ADGRL3: variants seen among roughly 807,000 people sequenced by gnomAD.
The protein encoded by ADGRL3 is adhesion G protein-coupled receptor L3.
A neutral mutation model predicts 153.5 loss-of-function variants in ADGRL3; 62 were observed. The observed-to-expected ratio is 0.40, with a 90% CI of 0.33 to 0.50. The LOEUF (loss-of-function observed/expected upper bound fraction) is 0.50, where lower values mean the gene tolerates loss of function less well. ADGRL3 is among the 20% of genes least tolerant of loss of function. The probability of loss-of-function intolerance (pLI) is 0.47; values close to 1 mark genes in which losing one functional copy is unlikely to be tolerated. For missense variants in ADGRL3, 1,641 were observed against 1,859.4 expected, an observed-to-expected ratio of 0.88 and a Z score of 2.16; for synonymous variants, 710 against 672.5, an observed-to-expected ratio of 1.06 and a Z score of -0.86.
intron 4 of ADGRL3, among the ~76,000 whole-genome samples, chr4:61,584,874 G>T (rs2098940055): frequency 6.6e-6 from 1 of 151,692 alleles, no homozygotes; most frequent in South Asian, 2.1e-4. Context: ...TTATGAAAAT[G>T]TCTATATCCA....
At chr4:61,450,888 C>T (rs1042532914) in intron 2 of ADGRL3, among the ~76,000 whole-genome samples, 2 of 151,876 alleles carry the variant, frequency 1.3e-5, no homozygotes, top group African/African-American at 4.8e-5. Flanking sequence ...ATAACTGCTT[C>T]CCAGAGAAGA....
chr4:61,650,505 A>G (rs544231423), intron 5 of ADGRL3, among the ~76,000 whole-genome samples: 10 of 152,242 alleles, frequency 6.6e-5, no homozygotes, highest in African/African-American at 1.7e-4. Flanking sequence ...GTGAAAACTT[A>G]AATAGTAAAT....
At position 61,852,232 on chromosome 4, in the gene ADGRL3, T is replaced by C. The variant is rs189373971; in HGVS notation, c.1480+38343T>C. Among the ~76,000 whole-genome samples the C allele has an allele frequency of 1.3e-3, 195 of 152,212 alleles. 1 individual carries two copies. Among genetic ancestry groups the C allele is most frequent in the African/African-American group, 4.5e-3 (188 of 41,574 alleles). On this transcript the variant is annotated intron_variant, in intron 9 of 26. Coordinates refer to ENST00000683033, the MANE Select transcript of ADGRL3 (RefSeq NM_001387552.1). ...TGTTGCATTTAACTATTTAGTAAAATAAAAAACTGTTTCTGAAGTCCAAAA... is the reference window on the plus strand; with the variant it reads ...TGTTGCATTTAACTATTTAGTAAAACAAAAAACTGTTTCTGAAGTCCAAAA...
chr4:62,064,886 A>G (rs1742162125), intron 25 of ADGRL3, among the ~76,000 whole-genome samples: 1 of 152,090 alleles, frequency 6.6e-6, no homozygotes, highest in African/African-American at 2.4e-5. Context: ...AAAAGTGACT[A>G]CATGAATATA....
intron 17 of ADGRL3, among the ~76,000 whole-genome samples, chr4:61,958,550 G>T (rs1473705852): frequency 1.3e-5 from 2 of 152,094 alleles, no homozygotes; most frequent in Non-Finnish European, 1.5e-5. Context: ...AGTTTCACAT[G>T]CCTGGGGAGG....
intron 1 of ADGRL3, among the ~76,000 whole-genome samples, chr4:61,382,594 T>G (rs578137927): frequency 9.3e-4 from 141 of 151,972 alleles, no homozygotes; most frequent in Non-Finnish European, 1.7e-3. Context: ...CTTTCTATTT[T>G]TTAAATCCAA....
At chr4:61,764,847 G>A (rs1241879966) in intron 8 of ADGRL3, among the ~76,000 whole-genome samples, 2 of 151,634 alleles carry the variant, frequency 1.3e-5, no homozygotes, top group African/African-American at 2.4e-5. Flanking sequence ...GGAACCTAGA[G>A]TGGGAGAGGT....
chr4:61,678,579 C>CCA lies in ADGRL3; in HGVS notation c.583+1647_583+1648dup, dbSNP rs1285369072. Among the ~76,000 whole-genome samples the CCA allele has an allele frequency of 5.3e-5, 8 of 151,882 alleles. 1 individual carries two copies. The highest frequency in any genetic ancestry group is 2.9e-5 in the Non-Finnish European group (2 of 67,950). ...TTTTACATAAAAGGATTATAGTTTA[C>CCA]CACAGGTTTCCTTTCTCTCATAAAT... On this transcript the variant is annotated intron_variant, in intron 6 of 26. Coordinates refer to ENST00000683033, the MANE Select transcript of ADGRL3 (RefSeq NM_001387552.1).
At chr4:61,821,143 C>G (rs896172446) in intron 9 of ADGRL3, among the ~76,000 whole-genome samples, 3 of 141,880 alleles carry the variant, frequency 2.1e-5, no homozygotes, top group Non-Finnish European at 4.5e-5. Context: ...AGAAATTCTT[C>G]ACAGCATCAC....
At chr4:61,591,057 G>A (rs930264362) in intron 5 of ADGRL3, among the ~76,000 whole-genome samples, 6 of 152,058 alleles carry the variant, frequency 3.9e-5, no homozygotes, top group Admixed American at 1.3e-4. Flanking sequence ...GAAAATTAAT[G>A]TCACCTCAGA....
At chr4:62,041,452 A>T (rs1728236716) in intron 24 of ADGRL3, among the ~76,000 whole-genome samples, 1 of 152,088 alleles carries the variant, frequency 6.6e-6, no homozygotes, top group Non-Finnish European at 1.5e-5. Flanking sequence ...TTTGAAAAAT[A>T]AAAAAGTGAA....
intron 21 of ADGRL3, among the ~76,000 whole-genome samples, chr4:62,003,195 C>G (rs2151123398): frequency 6.6e-6 from 1 of 152,218 alleles, no homozygotes; most frequent in Admixed American, 6.5e-5. Context: ...TTTGCGCCTT[C>G]TCATCAAAGG....
chr4:61,820,001 C>T (rs1011692527), intron 9 of ADGRL3, among the ~76,000 whole-genome samples: 2 of 152,002 alleles, frequency 1.3e-5, no homozygotes, highest in African/African-American at 4.8e-5. Flanking sequence ...CCTTTCAATT[C>T]GCTTGATTTA....
At chr4:61,563,347 A>G (rs2149009209) in intron 4 of ADGRL3, among the ~76,000 whole-genome samples, 1 of 152,332 alleles carries the variant, frequency 6.6e-6, no homozygotes, top group African/African-American at 2.4e-5. Context: ...GCTGTCATTC[A>G]GGCACTGTTC....
intron 5 of ADGRL3, among the ~76,000 whole-genome samples, chr4:61,624,104 A>G (rs2092693382): frequency 6.6e-6 from 1 of 152,198 alleles, no homozygotes; most frequent in Admixed American, 6.5e-5. Flanking sequence ...TTAAGCCTAT[A>G]GATAGTAAAG....
chr4:61,479,932 T>G lies in ADGRL3; in HGVS notation c.-173-17189T>G, dbSNP rs550628070. ...TATATAGTTAAGGTTCACAAGTTTT[T>G]TTTTGATGCATGTATGCATTGTGAA... On this transcript the variant is annotated intron_variant, in intron 2 of 26. Coordinates refer to ENST00000683033, the MANE Select transcript of ADGRL3 (RefSeq NM_001387552.1). Among the ~76,000 whole-genome samples the G allele has an allele frequency of 2.0e-5, 3 of 152,300 alleles. No homozygotes were observed. In the South Asian group the frequency reaches 6.2e-4, roughly 32 times the overall value.
chr4:61,754,843 C>T (rs532333087), intron 8 of ADGRL3, among the ~76,000 whole-genome samples: 78 of 152,126 alleles, frequency 5.1e-4, no homozygotes, highest in African/African-American at 1.7e-3. Context: ...TTGTTCAATT[C>T]CCACCTATGA....
intron 21 of ADGRL3, among the ~76,000 whole-genome samples, chr4:62,007,354 G>GA (rs1264012865): frequency 1.3e-3 from 16 of 12,366 alleles, no homozygotes; most frequent in African/African-American, 4.8e-3. Context: ...AGGACAAAAT[G>GA]ATTATATATA....
At chr4:61,249,917 T>A (rs909174864) in intron 1 of ADGRL3, among the ~76,000 whole-genome samples, 3 of 152,146 alleles carry the variant, frequency 2.0e-5, no homozygotes, top group African/African-American at 7.2e-5. Flanking sequence ...TAATTCTCAT[T>A]TCCCTTACCA....
Sources: gnomAD v4.1 joint callset for allele counts (sites outside exome capture counted in the v4.1 genomes callset) on GRCh38, gnomAD v4.1.1 for gene constraint, MANE v1.5 for transcripts, NCBI Gene and HGNC (gene_info 2026-07-23, HGNC 2026-07-21) for gene names.